The following CLSPN variants were observed in gnomAD, a reference collection of about 807,000 sequenced individuals.
CLSPN encodes the protein claspin homolog.
In CLSPN, 85 loss-of-function variants were observed where a neutral mutation model predicts 156.3. The ratio of observed to expected loss-of-function variants is 0.54; its 90% confidence interval spans 0.46 to 0.65. CLSPN has a LOEUF of 0.65. Ranked by LOEUF, CLSPN falls within the 30% of genes least tolerant of loss-of-function variation. The pLI is 0.00. For synonymous variants in CLSPN, 534 were observed against 542.4 expected (o/e 0.98, Z 0.22); for missense variants, 1,407 against 1,554.9 (o/e 0.90, Z 1.60).
At chr1:35,756,524 T>A (rs1256320245) in intron 8 of CLSPN, among the ~76,000 whole-genome samples, 2 of 152,158 alleles carry the variant, frequency 1.3e-5, no homozygotes, top group African/African-American at 4.8e-5. Flanking sequence ...CCTCCATTCA[T>A]CTCTATTAGT....
rs61759479 is a variant in CLSPN, at chr1:35,760,519, C to T, written c.1402G>A (p.Asp468Asn). 1 of 1,614,216 alleles carries T rather than the reference C, an allele frequency of 6.2e-7. No homozygotes were observed. The highest frequency in any genetic ancestry group is 8.5e-7 in the Non-Finnish European group (1 of 1,180,046). Residue 468 changes from aspartate to asparagine, a missense_variant, in exon 8 of 25, where the codon GAT becomes AAT. By Grantham distance (23) the Asp-to-Asn change is conservative. Around this residue, in one of 3 missense-constraint regions of CLSPN, gnomAD observed 1,096 missense variants for 1,193.0 expected, o/e 0.92. Coordinates refer to ENST00000318121, the MANE Select transcript of CLSPN (RefSeq NM_022111.4). ...GEGPQNPEET[D>N]EKVEEPEQQN... ...TGCTCAGGCTCTTCCACTTTCTCAT[C>T]TGTTTCTTCTGGATTTTGGGGGCCT... is the stretch of plus-strand genomic sequence containing the variant.
chr1:35,758,090 T>C (rs1316076687), intron 8 of CLSPN, among the ~76,000 whole-genome samples: 1 of 152,182 alleles, frequency 6.6e-6, no homozygotes, highest in East Asian at 1.9e-4. Context: ...ACAGACTCAC[T>C]GAGCATATTT....
Position 35,735,835 on chromosome 1 carries a change from T to C in CLSPN, c.*661A>G, listed in dbSNP as rs1358285700. The C allele has an allele frequency of 3.0e-6, 3 of 985,280 alleles. No homozygotes were observed. The African/African-American group carries it at 5.2e-5, about 17-fold the overall frequency. 61.0% of individuals were successfully genotyped at this position (985,280 alleles called of 1,614,324 possible). A position where few individuals can be genotyped will look rare whatever the true frequency, so the allele number is the denominator to read the frequency against. ...TGTAATGTCACACTTTTCCCTACTC[T>C]TCCTCTTCCAACCACTTCTATCAAT... On this transcript the variant is annotated 3_prime_UTR_variant, in exon 25 of 25. Coordinates refer to ENST00000318121, the MANE Select transcript of CLSPN (RefSeq NM_022111.4).
At chr1:35,742,157 C>T (rs529219472) in intron 18 of CLSPN, among the ~76,000 whole-genome samples, 2 of 152,066 alleles carry the variant, frequency 1.3e-5, no homozygotes, top group Admixed American at 1.3e-4. Context: ...TGGCACATGC[C>T]TGTTGTCCCA....
downstream of CLSPN, among the ~76,000 whole-genome samples, chr1:35,729,130 G>C (rs1641259597): frequency 6.6e-6 from 1 of 152,092 alleles, no homozygotes; most frequent in South Asian, 2.1e-4. Flanking sequence ...CAGAAGGGTG[G>C]GCAGTCAGCC....
chr1:35,768,611 C>T (rs1642757030), intron 1 of CLSPN, among the ~76,000 whole-genome samples: 1 of 151,590 alleles, frequency 6.6e-6, no homozygotes, highest in Non-Finnish European at 1.5e-5. Flanking sequence ...GGGGTTTTGC[C>T]ATGTTTTCTA....
chr1:35,726,079 C>T (rs960717278), intron 24 of CLSPN, among the ~76,000 whole-genome samples: 1 of 134,244 alleles, frequency 7.4e-6, no homozygotes, highest in African/African-American at 2.7e-5. Flanking sequence ...GTTGGTTGCA[C>T]CCAAACTCAA....
At position 35,747,995 on chromosome 1, in the gene CLSPN, G is replaced by C; in HGVS notation, c.2539C>G (p.Pro847Ala). Residue 847 changes from proline (P) to alanine (A), a missense_variant, in exon 14 of 25, where the codon CCA (proline) becomes GCA (alanine). Pro to Ala is a conservative substitution (Grantham distance 27). Coordinates refer to ENST00000318121, the MANE Select transcript of CLSPN (RefSeq NM_022111.4). ...EDSQDLYNAS[P>A]EPKTLFLGAG... ...CCTAGGAAAAGTGTCTTAGGCTCTG[G>C]GGAGGCGTTATACAGATCCTGGGAA... is the stretch of plus-strand genomic sequence containing the variant. The C allele has an allele frequency of 6.2e-7, 1 of 1,614,164 alleles. No homozygotes were observed. Among genetic ancestry groups the C allele is most frequent in the Non-Finnish European group, 8.5e-7 (1 of 1,180,012 alleles).
intron 22 of CLSPN, chr1:35,737,706 C>T (rs1021309485): frequency 1.2e-4 from 57 of 460,312 alleles, no homozygotes; most frequent in Admixed American, 3.4e-5. Context: ...ACCTCTAACA[C>T]TTAGGTATAC....
chr1:35,747,885 A>C (rs751397570), intron 14 of CLSPN, 22 bp downstream of exon 14: 58 of 1,607,356 alleles, frequency 3.6e-5, no homozygotes, highest in Non-Finnish European at 4.4e-5. Flanking sequence ...ATTCCCGCCC[A>C]CAGAAACACA....
intron 16 of CLSPN, among the ~76,000 whole-genome samples, chr1:35,744,850 G>T (rs1641821180): frequency 6.6e-6 from 1 of 152,056 alleles, no homozygotes; most frequent in Non-Finnish European, 1.5e-5. Flanking sequence ...TTTTGTTCTT[G>T]TTGCCCAGGT....
At position 35,762,483 on chromosome 1, in the gene CLSPN, TA is replaced by T; in HGVS notation, c.745-3del. 5 of 1,612,910 alleles carry T rather than the reference TA, an allele frequency of 3.1e-6. No individual in the cohort carries two copies. Among genetic ancestry groups the T allele is most frequent in the Non-Finnish European group, 4.2e-6 (5 of 1,179,066 alleles). On this transcript the variant is annotated splice_polypyrimidine_tract_variant and splice_region_variant and intron_variant, in intron 4 of 24. Transcript: ENST00000318121. ...ACTCTCCAAAGATGGTTCTTTTTTC[TA>T]AAAGAAATGGCAGGTTGATTAGGAC...
intron 8 of CLSPN, among the ~76,000 whole-genome samples, chr1:35,759,928 G>A (rs967760654): frequency 4.6e-5 from 7 of 150,762 alleles, no homozygotes; most frequent in African/African-American, 1.7e-4. Context: ...CTGCCTTCTG[G>A]GTTCAAGTAA....
downstream of CLSPN, among the ~76,000 whole-genome samples, chr1:35,727,600 A>G (rs1316702193): frequency 6.6e-6 from 1 of 152,232 alleles, no homozygotes; most frequent in Non-Finnish European, 1.5e-5. Context: ...ACAGTCTACA[A>G]GTCTCAGTTA....
In CLSPN at chr1:35,760,790, A is replaced by T. The variant is rs1462240623; in HGVS notation, c.1131T>A (p.Thr377=). Residue 377 remains threonine (T), a synonymous_variant, in exon 8 of 25, where the codon ACT becomes ACA. Transcript: ENST00000318121. ...CCTTTGAAACTACAGGGAGTGCATTAGTTTCCACTTCATTTTCTGCACCTG... is the reference window on the plus strand; with the variant it reads ...CCTTTGAAACTACAGGGAGTGCATTTGTTTCCACTTCATTTTCTGCACCTG... The part of the protein sequence containing the change: ...QTTGAENEVE[T]NALPVVSKET... The T allele has an allele frequency of 6.2e-7, 1 of 1,613,644 alleles. No individual in the cohort carries two copies. The highest frequency in any genetic ancestry group is 2.2e-5 in the East Asian group (1 of 44,900).
At position 35,746,765 on chromosome 1, in the gene CLSPN, C is replaced by T; in HGVS notation, c.2854+1G>A. On this transcript the variant is annotated splice_donor_variant, in intron 15 of 24. Coordinates refer to ENST00000318121, the MANE Select transcript of CLSPN (RefSeq NM_022111.4). LOFTEE classifies it high-confidence loss of function. This position sits in a 1 kb window ranked among gnomAD's most constrained non-coding sequence, Gnocchi z 4.2. The stretch of plus-strand genomic sequence containing the variant: ...CTTGATACTCTCGGTTGGATATTTA[C>T]CCTGAGAAGTGAATTTTCCTGAACA... 1.3e-6 allele frequency: 2 copies of T among 1,592,948 alleles called. No individual in the cohort carries two copies. The highest frequency in any genetic ancestry group is 2.2e-5 in the East Asian group (1 of 44,778).
intron 1 of CLSPN, 81 bp downstream of exon 1, chr1:35,769,766 A>C: frequency 7.3e-7 from 1 of 1,374,126 alleles, no homozygotes; most frequent in Non-Finnish European, 9.7e-7. Context: ...GCCTCGGGTC[A>C]GCGGGGTCTA....
intron 8 of CLSPN, among the ~76,000 whole-genome samples, chr1:35,754,529 TAG>T (rs1399470402): frequency 6.6e-6 from 1 of 152,154 alleles, no homozygotes; most frequent in Non-Finnish European, 1.5e-5. Context: ...GTATTTTTAG[TAG>T]AGACAGGGTT....
intron 7 of CLSPN, 70 bp downstream of exon 7, chr1:35,761,026 T>A: frequency 7.0e-7 from 1 of 1,429,658 alleles, no homozygotes; most frequent in South Asian, 1.2e-5. Context: ...AAATCTGAAC[T>A]TTTTATGCCA....
Sources: gnomAD v4.1 joint callset for allele counts (sites outside exome capture counted in the v4.1 genomes callset) on GRCh38, gnomAD v4.1.1 for gene constraint, gnomAD v4.1.1 regional missense constraint, Gnocchi (gnomAD v3.1) non-coding constraint, MANE v1.5 for transcripts, NCBI Gene and HGNC (gene_info 2026-07-23, HGNC 2026-07-21) for gene names.